Variants in GTF2IRD1 observed in about 807,000 individuals in gnomAD.
GTF2IRD1 encodes the protein general transcription factor II-I repeat domain-containing protein 1.
In GTF2IRD1, 26 loss-of-function variants were observed where a neutral mutation model predicts 113.2. That is an observed-to-expected ratio of 0.23 (90% confidence interval 0.17 to 0.32). GTF2IRD1 has a LOEUF of 0.32. GTF2IRD1 is among the 10% of genes least tolerant of loss of function. The pLI, the probability that GTF2IRD1 is intolerant of heterozygous loss-of-function variation, is 1.00. For missense variants in GTF2IRD1, 864 were observed against 1,280.8 expected (o/e 0.67, Z 4.97); for synonymous variants, 484 against 529.1 (o/e 0.91, Z 1.17).
At chr7:74,583,118 A>G (rs587673151) in intron 22 of GTF2IRD1, among the ~76,000 whole-genome samples, 5 of 152,252 alleles carry the variant, frequency 3.3e-5, no homozygotes, top group African/African-American at 9.6e-5. Context: ...TCCCACAGAC[A>G]AGGTATATTG....
chr7:74,459,497 G>A (rs781999349), intron 1 of GTF2IRD1, among the ~76,000 whole-genome samples: 17 of 151,922 alleles, frequency 1.1e-4, no homozygotes, highest in Non-Finnish European at 2.2e-4. Context: ...GAATAAGATA[G>A]GTGAAATGGG....
chr7:74,596,197 CACGCGTGTAATCCCAGCA>C (rs1554372220), intron 25 of GTF2IRD1, among the ~76,000 whole-genome samples: 25 of 152,176 alleles, frequency 1.6e-4, no homozygotes, highest in African/African-American at 6.0e-4. Context: ...CGCGGTGGCT[CACGCGTGTAATCCCAGCA>C]CTTTGGAAGG....
Position 74,555,846 on chromosome 7 carries a change from C to T in GTF2IRD1, c.2023+352C>T, listed in dbSNP as rs1799559676. Reference sequence around the variant, plus strand: ...AATAGGAGCCAGACGCGGCACCTCACGCCTGTAATCTCAGCACTTGGGAAG... The same window carrying T: ...AATAGGAGCCAGACGCGGCACCTCATGCCTGTAATCTCAGCACTTGGGAAG... On this transcript the variant is annotated intron_variant, in intron 19 of 26. Transcript: ENST00000424337. This position sits in a 1 kb window ranked among gnomAD's most constrained non-coding sequence, Gnocchi z 5.3. Among the ~76,000 whole-genome samples the T allele has an allele frequency of 6.6e-6, 1 of 152,166 alleles. No individual in the cohort carries two copies. The highest frequency in any genetic ancestry group is 2.4e-5 in the African/African-American group (1 of 41,434).
chr7:74,545,039 G>A (rs1798842421), intron 15 of GTF2IRD1, among the ~76,000 whole-genome samples: 1 of 152,302 alleles, frequency 6.6e-6, no homozygotes, highest in Admixed American at 6.5e-5. Flanking sequence ...CCACTGCTAA[G>A]GAAAATTGCA....
chr7:74,601,210 C>G (rs1235101590), intron 26 of GTF2IRD1, 30 bp downstream of exon 26: 1 of 1,556,508 alleles, frequency 6.4e-7, no homozygotes, highest in Non-Finnish European at 8.7e-7. Context: ...GACTCCGGCA[C>G]TCATCTCTGT....
At chr7:74,547,072 G>A (rs782167482) in intron 16 of GTF2IRD1, 31 bp from the exon 17 acceptor site, 79 of 1,595,410 alleles carry the variant, frequency 5.0e-5, no homozygotes, top group Non-Finnish European at 6.3e-5. Flanking sequence ...CTGTGGCACC[G>A]GGTGGCCCTA....
chr7:74,481,045 C>T (rs1004826317), intron 1 of GTF2IRD1, among the ~76,000 whole-genome samples: 2 of 152,328 alleles, frequency 1.3e-5, no homozygotes, highest in Admixed American at 1.3e-4. Flanking sequence ...AATCCCTGTA[C>T]TTCCTGGACT....
chr7:74,521,126 C>T, intron 6 of GTF2IRD1, 82 bp from the exon 7 acceptor site: 1 of 774,502 alleles, frequency 1.3e-6, no homozygotes, highest in South Asian at 1.4e-5. Flanking sequence ...TACCCCAGAG[C>T]CAGGGCCTGT....
intron 1 of GTF2IRD1, among the ~76,000 whole-genome samples, chr7:74,462,141 C>T (rs1026633856): frequency 1.1e-4 from 17 of 151,142 alleles, no homozygotes; most frequent in African/African-American, 3.2e-4. Flanking sequence ...CAGGAGGCTG[C>T]GGCGGGAGGA....
At chr7:74,551,963 T>A (rs1583865315) in intron 17 of GTF2IRD1, among the ~76,000 whole-genome samples, 1 of 151,962 alleles carries the variant, frequency 6.6e-6, no homozygotes, top group Non-Finnish European at 1.5e-5. Context: ...AAATAAAGAC[T>A]GTTGGGACAG....
intron 22 of GTF2IRD1, among the ~76,000 whole-genome samples, chr7:74,572,946 C>T (rs1554363063): frequency 6.6e-6 from 1 of 152,148 alleles, no homozygotes; most frequent in East Asian, 1.9e-4. Flanking sequence ...GGCCCGACGC[C>T]TCCTTTCTTC....
chr7:74,532,754 C>G (rs1434468468), intron 9 of GTF2IRD1, among the ~76,000 whole-genome samples: 1 of 152,156 alleles, frequency 6.6e-6, no homozygotes, highest in Non-Finnish European at 1.5e-5. Flanking sequence ...CAGAAGTCAC[C>G]GTCAGCCTTG....
intron 1 of GTF2IRD1, among the ~76,000 whole-genome samples, chr7:74,474,150 G>A (rs929419879): frequency 1.3e-5 from 2 of 152,180 alleles, no homozygotes; most frequent in Non-Finnish European, 2.9e-5. Context: ...GGCTGAGGCA[G>A]GAGAATTGCT....
chr7:74,492,862 C>A (rs782430580), intron 1 of GTF2IRD1, among the ~76,000 whole-genome samples: 1 of 152,084 alleles, frequency 6.6e-6, no homozygotes, highest in Non-Finnish European at 1.5e-5. Context: ...TCAAGGCCAG[C>A]ATCTTCCAAT....
chr7:74,466,796 G>T (rs942181035), intron 1 of GTF2IRD1, among the ~76,000 whole-genome samples: 1 of 152,054 alleles, frequency 6.6e-6, no homozygotes, highest in Non-Finnish European at 1.5e-5. Flanking sequence ...CTTCCAGTGG[G>T]TCACGGCCCC....
intron 17 of GTF2IRD1, among the ~76,000 whole-genome samples, chr7:74,553,606 C>T (rs1799432675): frequency 1.3e-5 from 2 of 152,274 alleles, no homozygotes; most frequent in Middle Eastern, 3.4e-3. Flanking sequence ...TTTTTAAAGT[C>T]ACGATGGCTT....
intron 1 of GTF2IRD1, among the ~76,000 whole-genome samples, chr7:74,469,366 T>A (rs376541673): frequency 2.1e-4 from 32 of 152,268 alleles, no homozygotes; most frequent in African/African-American, 7.5e-4. Flanking sequence ...GCAGTATTCA[T>A]CACTGTCTAA....
At chr7:74,534,980 G>A (rs1334961272) in intron 9 of GTF2IRD1, 133 bp from the exon 10 acceptor site, 16 of 721,200 alleles carry the variant, frequency 2.2e-5, no homozygotes, top group South Asian at 7.8e-5. Context: ...CATGTCTGCC[G>A]GATGCCCAGG....
At position 74,597,800 on chromosome 7, in the gene GTF2IRD1, G is replaced by C. The variant is rs587705047; in HGVS notation, c.2629+2749G>C. Reference sequence around the variant, plus strand: ...GTGAGTCAGATGCTGTGTAGACCCTGCTCTCAGGACCACCCATCTGAACCA... The same window carrying C: ...GTGAGTCAGATGCTGTGTAGACCCTCCTCTCAGGACCACCCATCTGAACCA... On this transcript the variant is annotated intron_variant, in intron 25 of 26. Transcript: ENST00000424337. Among the ~76,000 whole-genome samples, 96 of 152,338 alleles carry C rather than the reference G, an allele frequency of 6.3e-4. 3 individuals carry two copies. The South Asian group carries it at 0.019, about 31-fold the overall frequency.
Sources: allele counts gnomAD v4.1 joint callset (sites outside exome capture counted in the v4.1 genomes callset), GRCh38; gene constraint gnomAD v4.1.1; non-coding constraint Gnocchi (gnomAD v3.1); transcripts MANE v1.5; gene names NCBI Gene and HGNC (gene_info 2026-07-23, HGNC 2026-07-21).